The following NAV1 variants were observed in gnomAD, a reference collection of about 807,000 sequenced individuals.
NAV1 encodes pore membrane and/or filament interacting like protein 3.
NAV1 carries 18 observed loss-of-function variants against 175.2 expected under a neutral mutation model. That is an observed-to-expected ratio of 0.10 (90% CI 0.07 to 0.15). NAV1 has a LOEUF of 0.15. NAV1 is among the 10% of genes least tolerant of loss of function. The pLI, the probability that NAV1 is intolerant of heterozygous loss-of-function variation, is 1.00. For missense variants in NAV1, 1,731 were observed against 2,436.6 expected (o/e 0.71, Z 6.10); for synonymous variants, 897 against 978.7 (o/e 0.92, Z 1.56).
At chr1:201,689,248 A>T (rs1024152056) in intron 1 of NAV1, among the ~76,000 whole-genome samples, 2 of 152,210 alleles carry the variant, frequency 1.3e-5, no homozygotes, top group Non-Finnish European at 2.9e-5. Flanking sequence ...CTTTTACTGC[A>T]CAAATTATAG....
intron 1 of NAV1, among the ~76,000 whole-genome samples, chr1:201,585,222 G>A (rs952605042): frequency 6.6e-6 from 1 of 152,146 alleles, no homozygotes; most frequent in Non-Finnish European, 1.5e-5. Flanking sequence ...CTGCTGAAGG[G>A]TTTTTCATGG....
At position 201,694,183 on chromosome 1, in the gene NAV1, G is replaced by A. The variant is rs776838577; in HGVS notation, c.758-18634G>A. ...TGAGCAAAGGAGGGTGCCAGAACAC[G>A]GAGAGCTGGAGGGGACCAGCAGCCC... On this transcript the variant is annotated intron_variant, in intron 1 of 29. Coordinates refer to ENST00000367296, the Ensembl canonical transcript of NAV1. The surrounding 1 kb of genome is among the most constrained non-coding windows in gnomAD (Gnocchi z 4.2). Among the ~76,000 whole-genome samples, 5 of 152,248 alleles carry A rather than the reference G, an allele frequency of 3.3e-5. No homozygotes were observed. Among genetic ancestry groups the A allele is most frequent in the Admixed American group, 6.5e-5 (1 of 15,292 alleles).
chr1:201,743,059 A>G lies in NAV1; in HGVS notation c.1226+24304A>G, dbSNP rs141619210. ...TTCATTTAATCTTCACAACAACCGT[A>G]TGAGGTATATATTATTATCATCCCA... On this transcript the variant is annotated intron_variant, in intron 3 of 29. Coordinates refer to ENST00000367296, the Ensembl canonical transcript of NAV1. Among the ~76,000 whole-genome samples the G allele has an allele frequency of 2.0e-5, 3 of 152,330 alleles. No individual in the cohort carries two copies. The East Asian group carries it at 5.8e-4, about 29-fold the overall frequency.
chr1:201,752,803 G>T (rs1415370221), intron 3 of NAV1, among the ~76,000 whole-genome samples: 4 of 152,106 alleles, frequency 2.6e-5, no homozygotes, highest in Non-Finnish European at 4.4e-5. Flanking sequence ...TGCCAATTGT[G>T]CAAAGACATC....
chr1:201,626,884 C>A (rs1426475062), intron 1 of NAV1, among the ~76,000 whole-genome samples: 1 of 152,126 alleles, frequency 6.6e-6, no homozygotes, highest in Non-Finnish European at 1.5e-5. Context: ...GAAGTGAGGG[C>A]GGACATGGAG....
chr1:201,698,112 T>C (rs927278439), intron 1 of NAV1, among the ~76,000 whole-genome samples: 2 of 152,198 alleles, frequency 1.3e-5, no homozygotes, highest in Non-Finnish European at 2.9e-5. Context: ...CTTCCTCTCT[T>C]GTGGCTCAGC....
At chr1:201,570,839 C>G (rs1666519200) in intron 1 of NAV1, among the ~76,000 whole-genome samples, 1 of 152,268 alleles carries the variant, frequency 6.6e-6, no homozygotes. Context: ...TTCTCCATCT[C>G]TGGAACCTCA....
At chr1:201,714,388 C>T (rs1425903609) in intron 2 of NAV1, among the ~76,000 whole-genome samples, 1 of 152,240 alleles carries the variant, frequency 6.6e-6, no homozygotes, top group Non-Finnish European at 1.5e-5. Context: ...ATGCCCGCAT[C>T]TTGGACACTC....
At chr1:201,617,811 A>T (rs1668048305) in intron 2 of NAV1, among the ~76,000 whole-genome samples, 2 of 152,214 alleles carry the variant, frequency 1.3e-5, no homozygotes, top group South Asian at 4.1e-4. Flanking sequence ...ATTGTAGCTA[A>T]CATTATGCAT....
exon 30 of NAV1, chr1:201,823,623 T>C (rs1038526872): frequency 6.6e-6 from 1 of 152,170 alleles, no homozygotes; most frequent in African/African-American, 2.4e-5. Flanking sequence ...TACAATGAAA[T>C]GTTCATTGGT....
chr1:201,749,960 T>C (rs2102592368), intron 3 of NAV1, among the ~76,000 whole-genome samples: 1 of 152,320 alleles, frequency 6.6e-6, no homozygotes, highest in Non-Finnish European at 1.5e-5. Context: ...TATGTAGGAC[T>C]TGAAAGGTTA....
At chr1:201,575,268 G>A (rs1055909264) in intron 1 of NAV1, among the ~76,000 whole-genome samples, 1 of 152,128 alleles carries the variant, frequency 6.6e-6, no homozygotes, top group African/African-American at 2.4e-5. Flanking sequence ...CAGGGTTCCT[G>A]GTGGACCCCC....
rs1023651820 is a variant in NAV1 at position 201,740,146 on chromosome 1, G to T, written c.1226+21391G>T. 48 of 1,274,718 alleles carry T rather than the reference G, an allele frequency of 3.8e-5. No homozygotes were observed. Among genetic ancestry groups the T allele is most frequent in the Non-Finnish European group, 4.8e-5 (46 of 954,846 alleles). 79.0% of individuals were successfully genotyped at this position (1,274,718 alleles called of 1,614,324 possible). On this transcript the variant is annotated intron_variant, in intron 3 of 29. Transcript: ENST00000367296. The surrounding 1 kb of genome is among the most constrained non-coding windows in gnomAD (Gnocchi z 4.7). ...TGGGGTCGGGTTTGTGGCACCCCCA[G>T]CCCCGCCGCAGCCCCCCAGTTCCGC...
intron 1 of NAV1, among the ~76,000 whole-genome samples, chr1:201,663,077 C>T (rs1435682561): frequency 2.0e-5 from 3 of 152,190 alleles, no homozygotes; most frequent in Non-Finnish European, 2.9e-5. Flanking sequence ...GTCCATGTGG[C>T]GGAATAGGGA....
chr1:201,590,986 C>T (rs986504091), intron 2 of NAV1, among the ~76,000 whole-genome samples: 2 of 152,312 alleles, frequency 1.3e-5, no homozygotes, highest in Admixed American at 6.5e-5. Context: ...ATACTTAGCA[C>T]CATCTAACCT....
Position 201,705,530 on chromosome 1 carries a change from T to G in NAV1, c.758-7287T>G, listed in dbSNP as rs533329918. Among the ~76,000 whole-genome samples the G allele has an allele frequency of 1.2e-4, 18 of 152,192 alleles. No homozygotes were observed. The East Asian group carries it at 3.1e-3, about 26-fold the overall frequency. On this transcript the variant is annotated intron_variant, in intron 1 of 29. Coordinates refer to ENST00000367296, the Ensembl canonical transcript of NAV1. The stretch of plus-strand genomic sequence containing the variant: ...GGGTAAGGATGAAAACCCTGGGAGC[T>G]CCCCTGGGGAGCAGGAGCACTCAAC...
chr1:201,678,993 C>T (rs1670366151), intron 1 of NAV1, among the ~76,000 whole-genome samples: 1 of 152,068 alleles, frequency 6.6e-6, no homozygotes, highest in Admixed American at 6.6e-5. Flanking sequence ...GGTCGGGGAG[C>T]CCAGAAGGGA....
intron 1 of NAV1, among the ~76,000 whole-genome samples, chr1:201,556,018 A>G (rs1198586431): frequency 1.3e-5 from 2 of 152,190 alleles, no homozygotes; most frequent in Non-Finnish European, 2.9e-5. Flanking sequence ...GGGATTGAAA[A>G]TGCCACATTC....
At chr1:201,669,846 A>G (rs1669967606) in intron 1 of NAV1, among the ~76,000 whole-genome samples, 1 of 152,136 alleles carries the variant, frequency 6.6e-6, no homozygotes, top group Admixed American at 6.5e-5. Flanking sequence ...TTCCCCGGGA[A>G]AAGAGACAGG....
Sources: allele counts gnomAD v4.1 joint callset (sites outside exome capture counted in the v4.1 genomes callset), GRCh38; gene constraint gnomAD v4.1.1; non-coding constraint Gnocchi (gnomAD v3.1); transcripts MANE v1.5; gene names NCBI Gene and HGNC (gene_info 2026-07-23, HGNC 2026-07-21).